ZNF550: variants seen among roughly 807,000 people sequenced by gnomAD.
The protein encoded by ZNF550 is zinc finger protein 550.
ZNF550 carries 42 observed loss-of-function variants against 40.2 expected under a neutral mutation model. The ratio of observed to expected loss-of-function variants is 1.05; its 90% CI spans 0.82 to 1.35. The LOEUF (loss-of-function observed/expected upper bound fraction) is 1.35, where lower values mean the gene tolerates loss of function less well. ZNF550 is among the 40% of genes most tolerant of loss of function. ZNF550 has a pLI of 0.00. For synonymous variants in ZNF550, 223 were observed against 198.6 expected (o/e 1.12, Z -1.03); for missense variants, 549 against 525.2 (o/e 1.05, Z -0.44).
intron 3 of ZNF550, among the ~76,000 whole-genome samples, chr19:57,548,540 T>G (rs1232359782): frequency 6.6e-6 from 1 of 152,216 alleles, no homozygotes; most frequent in African/African-American, 2.4e-5. Context: ...CATCTCATCC[T>G]AGTCAAAATG....
At chr19:57,543,465 T>C (rs1415540425) in intron 4 of ZNF550, 1 of 370,914 alleles carries the variant, frequency 2.7e-6, no homozygotes, top group Non-Finnish European at 3.7e-6. Flanking sequence ...GCCGAGTTAA[T>C]TTACCGTCCA....
chr19:57,546,774 T>C, exon 4 of ZNF550: 1 of 1,364,344 alleles, frequency 7.3e-7, no homozygotes, highest in East Asian at 2.6e-5. Context: ...GAAGGGATCC[T>C]TACATTCACT....
chr19:57,555,042 A>C (rs1182190967), intron 2 of ZNF550: 1 of 152,122 alleles, frequency 6.6e-6, no homozygotes, highest in African/African-American at 2.4e-5. Flanking sequence ...CACCTTCCCA[A>C]CTGAACTCAG....
chr19:57,546,675 A>G (rs1401247144), exon 4 of ZNF550: 14 of 1,140,250 alleles, frequency 1.2e-5, no homozygotes, highest in Non-Finnish European at 1.5e-5. Context: ...GTCTTTCTCC[A>G]GCATGAGTTC....
chr19:57,555,991 C>A lies in ZNF550; in HGVS notation c.154+240G>T, dbSNP rs559652134. On this transcript the variant is annotated intron_variant, in intron 2 of 4. Coordinates refer to ENST00000457177, the Ensembl canonical transcript of ZNF550. ...TGACCCCACCAGGATGGCCAATCAG[C>A]TTCCTTCTTATGCAATCTTGATTAA... The A allele has an allele frequency of 3.2e-3, 1,508 of 475,752 alleles. 38 individuals are homozygous for A. The highest frequency in any genetic ancestry group is 0.03 in the South Asian group (1,459 of 49,252). The allele number at this position is 475,752 out of a possible 1,614,324, so 29.5% of individuals were successfully genotyped here.
chr19:57,546,926 T>C, exon 4 of ZNF550: 1 of 1,544,112 alleles, frequency 6.5e-7, no homozygotes, highest in East Asian at 2.3e-5. Context: ...AATGATAAAA[T>C]AACAGTGGGT....
At chr19:57,558,435 T>C (rs1041922332) in intron 1 of ZNF550, among the ~76,000 whole-genome samples, 3 of 152,166 alleles carry the variant, frequency 2.0e-5, no homozygotes, top group African/African-American at 7.2e-5. Context: ...TGAGAGTCCC[T>C]ATAAGAGAGG....
At chr19:57,546,432 G>GT (rs2090010451) in intron 4 of ZNF550, 1 of 958,610 alleles carries the variant, frequency 1.0e-6, no homozygotes, top group Admixed American at 6.1e-5. Flanking sequence ...AGGGAAGTCT[G>GT]TAAGGACATA....
At chr19:57,546,834 A>G (rs2090014297) in exon 4 of ZNF550, 1 of 1,417,424 alleles carries the variant, frequency 7.1e-7, no homozygotes. Flanking sequence ...TTAGTTAAGA[A>G]AGAGCTGACA....
chr19:57,546,975 T>C (rs938097899), exon 4 of ZNF550: 2 of 1,606,340 alleles, frequency 1.2e-6, no homozygotes, highest in Non-Finnish European at 1.7e-6. Flanking sequence ...TAGGGTTCTC[T>C]CATGTATGGA....
Position 57,552,902 on chromosome 19 carries a change from T to C in ZNF550, c.155-180A>G, listed in dbSNP as rs991913744. On this transcript the variant is annotated intron_variant, in intron 2 of 4. Transcript: ENST00000457177. ...TGCTCTGAGTGAGCTGTGTTCCCCA[T>C]AAAAATCATATGTTGATGCCCTAAC... The C allele has an allele frequency of 1.9e-5, 11 of 566,976 alleles. 1 individual carries two copies. The highest frequency in any genetic ancestry group is 2.5e-5 in the Non-Finnish European group (8 of 319,142). 35.1% of individuals were successfully genotyped at this position (566,976 alleles called of 1,614,324 possible). A position where few individuals can be genotyped will look rare whatever the true frequency, so the allele number is the denominator to read the frequency against.
chr19:57,547,360 G>A (rs909911452), exon 4 of ZNF550: 7 of 1,613,012 alleles, frequency 4.3e-6, no homozygotes, highest in Non-Finnish European at 5.9e-6. Flanking sequence ...GTGGGTGAAG[G>A]CCTTTCGACA....
intron 3 of ZNF550, 116 bp from the exon 4 acceptor site, chr19:57,548,109 C>T: frequency 1.1e-6 from 1 of 945,832 alleles, no homozygotes; most frequent in Non-Finnish European, 1.6e-6. Context: ...ATACTTGCTG[C>T]ATTTTTACAT....
chr19:57,559,097 A>G (rs370983300), intron 1 of ZNF550, among the ~76,000 whole-genome samples: 2 of 152,108 alleles, frequency 1.3e-5, no homozygotes, highest in East Asian at 3.9e-4. Context: ...ACAGGAGGCC[A>G]AGGAGGCCAG....
At chr19:57,552,699 A>C (rs1427067381) in exon 3 of ZNF550, 2 of 1,598,350 alleles carry the variant, frequency 1.3e-6, no homozygotes, top group Non-Finnish European at 1.7e-6. Context: ...AGGTGGACCA[A>C]CTCTGGTTTG....
chr19:57,543,950 A>G (rs2089985341), intron 4 of ZNF550: 1 of 985,058 alleles, frequency 1.0e-6, no homozygotes, highest in Non-Finnish European at 1.2e-6. Flanking sequence ...AAAACAAAAC[A>G]AAAAACATGT....
intron 4 of ZNF550, among the ~76,000 whole-genome samples, chr19:57,545,561 C>G (rs908858454): frequency 6.6e-6 from 1 of 152,078 alleles, no homozygotes; most frequent in African/African-American, 2.4e-5. Context: ...AGAATGGAAT[C>G]AGGAAAATGT....
chr19:57,552,451 A>G (rs1480589002), intron 3 of ZNF550, 176 bp downstream of exon 3: 1 of 542,502 alleles, frequency 1.8e-6, no homozygotes, highest in Non-Finnish European at 3.3e-6. Flanking sequence ...TCTCTGAATA[A>G]TTGTGTGGCT....
At chr19:57,545,719 A>C (rs1395027240) in intron 4 of ZNF550, among the ~76,000 whole-genome samples, 2 of 152,056 alleles carry the variant, frequency 1.3e-5, no homozygotes, top group Non-Finnish European at 2.9e-5. Context: ...TCATCTATAC[A>C]AAAAAATTTA....
Sources: gnomAD v4.1 joint callset for allele counts (sites outside exome capture counted in the v4.1 genomes callset) on GRCh38, gnomAD v4.1.1 for gene constraint, MANE v1.5 for transcripts, NCBI Gene and HGNC (gene_info 2026-07-23, HGNC 2026-07-21) for gene names.